The following PTPRQ variants were observed in gnomAD, a reference collection of about 807,000 sequenced individuals.
The protein encoded by PTPRQ is phosphatidylinositol phosphatase PTPRQ.
PTPRQ carries 199 observed loss-of-function variants against 246.0 expected under a neutral mutation model. The observed-to-expected ratio is 0.81, with a 90% CI of 0.72 to 0.91. The LOEUF (loss-of-function observed/expected upper bound fraction) is 0.91, where lower values mean the gene tolerates loss of function less well. Among genes scored for constraint, PTPRQ ranks in the 40% least tolerant of loss-of-function variants. The probability of loss-of-function intolerance (pLI) is 0.00; values close to 1 mark genes in which losing one functional copy is unlikely to be tolerated. For missense variants in PTPRQ, 2,624 were observed against 2,528.4 expected (o/e 1.04, Z -0.81); for synonymous variants, 869 against 853.2 (o/e 1.02, Z -0.32).
At chr12:80,522,068 G>A (rs10862161) in intron 17 of PTPRQ, among the ~76,000 whole-genome samples, 2 of 151,950 alleles carry the variant, frequency 1.3e-5, no homozygotes, top group African/African-American at 2.4e-5. Flanking sequence ...TCCTTGAAGA[G>A]GTCCTTCACA....
At chr12:80,587,625 A>G (rs1420411742) in intron 25 of PTPRQ, among the ~76,000 whole-genome samples, 2 of 152,184 alleles carry the variant, frequency 1.3e-5, no homozygotes, top group Admixed American at 1.3e-4. Flanking sequence ...AAAAAAAAAT[A>G]GATGAATTAT....
intron 26 of PTPRQ, among the ~76,000 whole-genome samples, chr12:80,589,353 C>A (rs1464233335): frequency 6.6e-6 from 1 of 152,128 alleles, no homozygotes; most frequent in Non-Finnish European, 1.5e-5. Context: ...TTCAGGTTTG[C>A]CAGGCCACCC....
chr12:80,468,776 G>C lies in PTPRQ; in HGVS notation c.977G>C (p.Trp326Ser), dbSNP rs1893528550. ...NITGKSFSILWDPPTIVTGKF... is the reference protein window; with the variant it reads ...NITGKSFSILSDPPTIVTGKF... ...ACAGGAAAGTCCTTTTCAATTTTAT[G>C]GGACCCACCAACTATAGTAACAGGG... Residue 326 changes from tryptophan (W) to serine (S), a missense_variant, in exon 7 of 45, where the codon TGG (tryptophan) becomes TCG (serine). Physicochemically the swap from Trp to Ser is radical, Grantham distance 177. Transcript: ENST00000644991. 1.3e-6 allele frequency: 2 copies of C among 1,550,130 alleles called. No homozygotes were observed. Among genetic ancestry groups the C allele is most frequent in the African/African-American group, 2.7e-5 (2 of 73,006 alleles).
chr12:80,633,454 A>T (rs1899519513), intron 34 of PTPRQ, among the ~76,000 whole-genome samples: 1 of 152,168 alleles, frequency 6.6e-6, no homozygotes, highest in Non-Finnish European at 1.5e-5. Flanking sequence ...CCTCGTTGGA[A>T]ATCTTACTTC....
chr12:80,477,902 G>C (rs1893875058), intron 8 of PTPRQ, among the ~76,000 whole-genome samples: 1 of 152,200 alleles, frequency 6.6e-6, no homozygotes, highest in Admixed American at 6.5e-5. Flanking sequence ...CTCGCTGATT[G>C]CTAGTACAGC....
chr12:80,598,957 A>G (rs1032009756), intron 26 of PTPRQ, among the ~76,000 whole-genome samples: 1 of 152,050 alleles, frequency 6.6e-6, no homozygotes, highest in Non-Finnish European at 1.5e-5. Flanking sequence ...AAAGTTACAA[A>G]TAAGTCTTTG....
chr12:80,623,900 A>C (rs1899095028), intron 33 of PTPRQ, among the ~76,000 whole-genome samples: 1 of 152,100 alleles, frequency 6.6e-6, no homozygotes. Flanking sequence ...GATTCCTTAG[A>C]TTCTGCTAAA....
chr12:80,471,425 A>G lies in PTPRQ; in HGVS notation c.1040-680A>G, dbSNP rs1893620749. Among the ~76,000 whole-genome samples the G allele has an allele frequency of 4.1e-5, 6 of 144,612 alleles. No homozygotes were observed. The South Asian group carries it at 1.1e-3, about 26-fold the overall frequency. 94.9% of individuals were successfully genotyped at this position (144,612 alleles called of 152,430 possible). Reference sequence around the variant, plus strand: ...AATTTTGTTCAGAAGCTAAACTAGAAATATTTTCTAAATATATCCTCTTAT... The same window carrying G: ...AATTTTGTTCAGAAGCTAAACTAGAGATATTTTCTAAATATATCCTCTTAT... On this transcript the variant is annotated intron_variant, in intron 7 of 44. Coordinates refer to ENST00000644991, the MANE Select transcript of PTPRQ (RefSeq NM_001145026.2).
At chr12:80,525,862 A>G (rs1895669952) in intron 17 of PTPRQ, 1 of 152,128 alleles carries the variant, frequency 6.6e-6, no homozygotes, top group Admixed American at 6.6e-5. Flanking sequence ...TGAAAAGCTC[A>G]GTTCCCTTTC....
chr12:80,563,907 C>G (rs1264069883), intron 25 of PTPRQ, among the ~76,000 whole-genome samples: 1 of 151,804 alleles, frequency 6.6e-6, no homozygotes, highest in Admixed American at 6.6e-5. Flanking sequence ...AGACTAGGCT[C>G]TGTATTCAAC....
At chr12:80,640,430 A>G (rs1220009958) in intron 35 of PTPRQ, among the ~76,000 whole-genome samples, 2 of 152,340 alleles carry the variant, frequency 1.3e-5, no homozygotes, top group East Asian at 3.9e-4. Flanking sequence ...TTTGCAAACA[A>G]TGGCAAAAAT....
At chr12:80,481,173 A>G (rs1894036154) in intron 8 of PTPRQ, among the ~76,000 whole-genome samples, 1 of 152,202 alleles carries the variant, frequency 6.6e-6, no homozygotes, top group South Asian at 2.1e-4. Flanking sequence ...AAGCTTATCC[A>G]CCATGATCAA....
At chr12:80,591,426 G>A (rs985183852) in intron 26 of PTPRQ, among the ~76,000 whole-genome samples, 2 of 151,946 alleles carry the variant, frequency 1.3e-5, no homozygotes, top group Non-Finnish European at 2.9e-5. Context: ...ACCATCCCAC[G>A]CATATTTTCT....
At chr12:80,512,159 T>C (rs1431118631) in intron 17 of PTPRQ, among the ~76,000 whole-genome samples, 3 of 152,202 alleles carry the variant, frequency 2.0e-5, no homozygotes, top group Non-Finnish European at 2.9e-5. Flanking sequence ...TGGTTACTAC[T>C]AGAATTTGAT....
At chr12:80,510,192 G>A in intron 16 of PTPRQ, 131 bp from the exon 17 acceptor site, 1 of 935,096 alleles carries the variant, frequency 1.1e-6, no homozygotes, top group Non-Finnish European at 1.4e-6. Flanking sequence ...AGTCTCTTGT[G>A]CTTCTGGAGA....
chr12:80,522,791 T>A (rs1261163160), intron 17 of PTPRQ, among the ~76,000 whole-genome samples: 5 of 152,272 alleles, frequency 3.3e-5, no homozygotes, highest in Admixed American at 2.0e-4. Context: ...ATTTTTGCAT[T>A]GATATTCATC....
rs1341280916 is a variant in PTPRQ, at chr12:80,445,476, AT to A, written c.164-9del. The A allele has an allele frequency of 2.1e-6, 3 of 1,461,440 alleles. No individual in the cohort carries two copies. The South Asian group carries it at 3.9e-5, about 19-fold the overall frequency. 90.5% of individuals were successfully genotyped at this position (1,461,440 alleles called of 1,614,324 possible). On this transcript the variant is annotated splice_polypyrimidine_tract_variant and intron_variant, in intron 2 of 44. Coordinates refer to ENST00000644991, the MANE Select transcript of PTPRQ (RefSeq NM_001145026.2). ...ATTATTTGACCTTTTAACAAAATGG[AT>A]TTTTTAAAAATAGAACCAGGGCCTC...
At chr12:80,661,554 C>A (rs1057228434) in intron 39 of PTPRQ, among the ~76,000 whole-genome samples, 1 of 151,438 alleles carries the variant, frequency 6.6e-6, no homozygotes, top group Non-Finnish European at 1.5e-5. Flanking sequence ...TACACATACA[C>A]ACATATACTT....
chr12:80,671,868 A>G (rs1027410993), intron 42 of PTPRQ, among the ~76,000 whole-genome samples: 15 of 152,066 alleles, frequency 9.9e-5, no homozygotes, highest in African/African-American at 3.4e-4. Flanking sequence ...AAATACTTTC[A>G]TCCCTGACTA....
Sources: gnomAD v4.1 joint callset for allele counts (sites outside exome capture counted in the v4.1 genomes callset) on GRCh38, gnomAD v4.1.1 for gene constraint, MANE v1.5 for transcripts, NCBI Gene and HGNC (gene_info 2026-07-23, HGNC 2026-07-21) for gene names.